The following RIMS2 variants were observed in gnomAD, a reference collection of about 807,000 sequenced individuals.
RIMS2 encodes regulating synaptic membrane exocytosis 2, also known as regulating synaptic membrane exocytosis protein 2.
Under a neutral mutation model 174.4 loss-of-function variants are expected in RIMS2, and 59 were observed. The observed-to-expected ratio is 0.34, with a 90% CI of 0.27 to 0.42. The LOEUF (loss-of-function observed/expected upper bound fraction) is 0.42. RIMS2 is among the 10% of genes least tolerant of loss of function. The pLI is 1.00. For missense variants in RIMS2, 1,620 were observed against 1,666.3 expected (o/e 0.97, Z 0.48); for synonymous variants, 606 against 572.5 (o/e 1.06, Z -0.84).
At chr8:103,954,911 A>G (rs2086658038) in intron 14 of RIMS2, among the ~76,000 whole-genome samples, 1 of 152,226 alleles carries the variant, frequency 6.6e-6, no homozygotes. Context: ...AAAATGATAA[A>G]GGGGATATCA....
intron 4 of RIMS2, among the ~76,000 whole-genome samples, chr8:103,907,922 T>C (rs938895978): frequency 4.0e-5 from 6 of 150,584 alleles, no homozygotes; most frequent in African/African-American, 1.2e-4. Flanking sequence ...ACTTTTTGTA[T>C]TTTTTTTAGT....
chr8:103,975,797 T>C (rs1309922724), intron 16 of RIMS2: 4 of 223,918 alleles, frequency 1.8e-5, no homozygotes, highest in Non-Finnish European at 2.6e-5. Flanking sequence ...AGCAAGCCAC[T>C]GGTGCAAGTT....
At chr8:103,517,901 G>A (rs1401512572) in intron 1 of RIMS2, among the ~76,000 whole-genome samples, 2 of 145,410 alleles carry the variant, frequency 1.4e-5, no homozygotes, top group Admixed American at 7.0e-5. Context: ...TAAAATGCAC[G>A]AATATGATAG....
chr8:104,070,155 G>A (rs1431532226), intron 19 of RIMS2, among the ~76,000 whole-genome samples: 1 of 152,162 alleles, frequency 6.6e-6, no homozygotes, highest in Non-Finnish European at 1.5e-5. Context: ...ATGTACATAT[G>A]TACCAGTTTC....
chr8:103,918,369 A>G (rs2076993340), intron 8 of RIMS2, 72 bp from the exon 12 acceptor site: 7 of 896,850 alleles, frequency 7.8e-6, no homozygotes, highest in Non-Finnish European at 1.2e-5. Context: ...TAGGTTGATA[A>G]TAATAAAAAA....
chr8:104,054,231 A>AT (rs962318704), intron 19 of RIMS2, among the ~76,000 whole-genome samples: 10 of 152,016 alleles, frequency 6.6e-5, no homozygotes, highest in Non-Finnish European at 1.0e-4. Context: ...ACTTTATGAG[A>AT]TTTTCCTATT....
chr8:103,970,154 G>A (rs1378603726), intron 15 of RIMS2, among the ~76,000 whole-genome samples: 3 of 152,092 alleles, frequency 2.0e-5, no homozygotes, highest in Admixed American at 6.5e-5. Context: ...TGGTAAGGTC[G>A]GGGAAGGGAA....
chr8:103,768,301 C>T, intron 3 of RIMS2: 1 of 627,096 alleles, frequency 1.6e-6, no homozygotes. Context: ...ACATCTCTTT[C>T]CCAGCCACTG....
intron 17 of RIMS2, among the ~76,000 whole-genome samples, chr8:103,991,890 T>A (rs2094724546): frequency 6.6e-6 from 1 of 152,194 alleles, no homozygotes; most frequent in Non-Finnish European, 1.5e-5. Flanking sequence ...TCAACTTTAC[T>A]GAGTTGTGTA....
At chr8:104,038,814 TA>T (rs1565975022) in intron 19 of RIMS2, among the ~76,000 whole-genome samples, 1 of 151,992 alleles carries the variant, frequency 6.6e-6, no homozygotes, top group East Asian at 1.9e-4. Flanking sequence ...AAAAATGTTT[TA>T]AATATATCTG....
At chr8:103,830,798 C>T (rs774463855) in intron 3 of RIMS2, among the ~76,000 whole-genome samples, 2 of 152,124 alleles carry the variant, frequency 1.3e-5, no homozygotes, top group Non-Finnish European at 2.9e-5. Context: ...GATATCTACA[C>T]GTTTGTGATA....
At chr8:103,609,654 A>G (rs1411816845) in intron 1 of RIMS2, among the ~76,000 whole-genome samples, 1 of 152,128 alleles carries the variant, frequency 6.6e-6, no homozygotes, top group Non-Finnish European at 1.5e-5. Context: ...CCAAGATCAG[A>G]TGGTTGTAGG....
At chr8:103,920,732 G>T in intron 9 of RIMS2, 1 of 456,432 alleles carries the variant, frequency 2.2e-6, no homozygotes, top group South Asian at 1.5e-5. Flanking sequence ...GCTCACGCGT[G>T]TAATCCCAGC....
At chr8:104,182,356 C>A (rs985147787) in intron 19 of RIMS2, among the ~76,000 whole-genome samples, 10 of 151,704 alleles carry the variant, frequency 6.6e-5, no homozygotes, top group Admixed American at 2.0e-4. Flanking sequence ...AGAAAAATAT[C>A]TTATTTTTAA....
intron 1 of RIMS2, among the ~76,000 whole-genome samples, chr8:103,669,059 A>G (rs2096711588): frequency 2.0e-5 from 3 of 152,140 alleles, no homozygotes; most frequent in Non-Finnish European, 4.4e-5. Flanking sequence ...AGACTGGGTA[A>G]TTTATAAAGG....
intron 19 of RIMS2, among the ~76,000 whole-genome samples, chr8:104,237,824 G>C (rs2099266714): frequency 6.6e-6 from 1 of 152,144 alleles, no homozygotes; most frequent in South Asian, 2.1e-4. Context: ...TTAGAGATTT[G>C]AATTATATTT....
At chr8:103,750,833 TA>T (rs1450700356) in intron 2 of RIMS2, among the ~76,000 whole-genome samples, 1 of 152,152 alleles carries the variant, frequency 6.6e-6, no homozygotes, top group Non-Finnish European at 1.5e-5. Flanking sequence ...GTGAGTCAAT[TA>T]AACCACTTGT....
intron 19 of RIMS2, chr8:104,094,829 G>T: frequency 3.4e-6 from 2 of 580,680 alleles, no homozygotes; most frequent in South Asian, 2.3e-5. Context: ...ATTTTCTTGT[G>T]TTTTATCTAT....
Position 103,825,432 on chromosome 8 carries a change from A to G in RIMS2, c.698+58895A>G, listed in dbSNP as rs935310005. 2.7e-5 allele frequency among the ~76,000 whole-genome samples: 4 copies of G among 147,462 alleles called. No homozygotes were observed. The Admixed American group carries it at 2.8e-4, about 10-fold the overall frequency. On this transcript the variant is annotated intron_variant, in intron 3 of 23. Transcript: ENST00000504942. ...GAAGCTAGGACCACAGGCATGTGCC[A>G]CAATGGCTAGCTAATTTTTTTTTTT... is the stretch of plus-strand genomic sequence containing the variant.
Sources: allele counts gnomAD v4.1 joint callset (sites outside exome capture counted in the v4.1 genomes callset), GRCh38; gene constraint gnomAD v4.1.1; transcripts MANE v1.5; gene names NCBI Gene and HGNC (gene_info 2026-07-23, HGNC 2026-07-21).